Variants in PPARGC1B observed in about 807,000 individuals in gnomAD.
The protein encoded by PPARGC1B is peroxisome proliferator-activated receptor gamma coactivator 1-beta.
In PPARGC1B, 34 loss-of-function variants were observed where a neutral mutation model predicts 101.6. The observed-to-expected ratio is 0.33, with a 90% CI of 0.25 to 0.45. The LOEUF is 0.45. Ranked by LOEUF, PPARGC1B falls within the 20% of genes least tolerant of loss-of-function variation. The pLI, the probability that PPARGC1B is intolerant of heterozygous loss-of-function variation, is 1.00. For synonymous variants in PPARGC1B, 548 were observed against 539.3 expected, an observed-to-expected ratio of 1.02 and a Z score of -0.22; for missense variants, 1,234 against 1,317.6, an observed-to-expected ratio of 0.94 and a Z score of 0.98.
chr5:149,777,599 A>T (rs1046955996), intron 1 of PPARGC1B, among the ~76,000 whole-genome samples: 1 of 152,090 alleles, frequency 6.6e-6, no homozygotes, highest in Non-Finnish European at 1.5e-5. Context: ...TGGGTCCCAG[A>T]GGCCTCTTCA....
intron 1 of PPARGC1B, among the ~76,000 whole-genome samples, chr5:149,759,733 G>A (rs1290174806): frequency 6.6e-6 from 1 of 152,224 alleles, no homozygotes. Context: ...CACCAGGCAT[G>A]CTGCCAGCAG....
At chr5:149,835,508 C>A (rs867796459) in intron 7 of PPARGC1B, 143 bp downstream of exon 7, 1 of 681,290 alleles carries the variant, frequency 1.5e-6, no homozygotes. Context: ...TATAGGCAGT[C>A]AAAAAGCAAA....
rs373775774 is a variant in PPARGC1B at position 149,747,617 on chromosome 5, C to G, written c.78+17197C>G. Among the ~76,000 whole-genome samples the G allele has an allele frequency of 1.8e-4, 27 of 152,344 alleles. No homozygotes were observed. In the East Asian group the frequency reaches 2.5e-3, roughly 14 times the overall value. On this transcript the variant is annotated intron_variant, in intron 1 of 11. Coordinates refer to ENST00000309241, the MANE Select transcript of PPARGC1B (RefSeq NM_133263.4). Reference sequence around the variant, plus strand: ...TCCTTGGGGTTGGGCAACAGCTCCTCCCTGCCCTGTGGGTGTGGACACCAG... The same window carrying G: ...TCCTTGGGGTTGGGCAACAGCTCCTGCCTGCCCTGTGGGTGTGGACACCAG...
intron 1 of PPARGC1B, among the ~76,000 whole-genome samples, chr5:149,735,433 T>G (rs1754667137): frequency 6.6e-6 from 1 of 152,228 alleles, no homozygotes; most frequent in Non-Finnish European, 1.5e-5. Flanking sequence ...TGAGAAGCAG[T>G]CTTGCAAAGG....
chr5:149,845,401 G>A (rs1298111568), intron 10 of PPARGC1B, among the ~76,000 whole-genome samples: 1 of 152,172 alleles, frequency 6.6e-6, no homozygotes, highest in East Asian at 1.9e-4. Flanking sequence ...AATGTCAGAG[G>A]CCTGGGTTTG....
Position 149,833,652 on chromosome 5 carries a change from G to T in PPARGC1B, c.1579G>T (p.Asp527Tyr). 1 of 1,610,078 alleles carries T rather than the reference G, an allele frequency of 6.2e-7. No individual in the cohort carries two copies. The highest frequency in any genetic ancestry group is 8.5e-7 in the Non-Finnish European group (1 of 1,178,460). The change falls in exon 5 of 12, where the codon GAC becomes TAC. Residue 527 changes from aspartate to tyrosine, a missense_variant. Asp to Tyr is a radical substitution (Grantham distance 160). Transcript: ENST00000309241. The surrounding 1 kb of genome is among the most constrained non-coding windows in gnomAD (Gnocchi z 4.1). ...AGAGCGGGAGCTGGGCAGCCCCACG[G>T]ACGAGGACAGTGGCCAAGACCAGCA... ...DVERELGSPT[D>Y]EDSGQDQQLL...
At chr5:149,748,230 G>A (rs1368596427) in intron 1 of PPARGC1B, among the ~76,000 whole-genome samples, 3 of 152,012 alleles carry the variant, frequency 2.0e-5, no homozygotes, top group East Asian at 3.9e-4. Context: ...GCTGACTTAG[G>A]GCATGGTACT....
At chr5:149,743,702 G>A (rs1754989572) in intron 1 of PPARGC1B, among the ~76,000 whole-genome samples, 1 of 152,220 alleles carries the variant, frequency 6.6e-6, no homozygotes, top group Non-Finnish European at 1.5e-5. Context: ...TGAGGTGAGT[G>A]TGGCAGCATT....
chr5:149,845,168 AT>A (rs953761012), intron 10 of PPARGC1B, among the ~76,000 whole-genome samples: 2 of 152,224 alleles, frequency 1.3e-5, no homozygotes, highest in African/African-American at 4.8e-5. Flanking sequence ...ACAGGCAGGC[AT>A]CATAGATGTC....
downstream of PPARGC1B, among the ~76,000 whole-genome samples, chr5:149,856,049 G>A (rs769318559): frequency 2.6e-5 from 4 of 152,096 alleles, no homozygotes; most frequent in Non-Finnish European, 4.4e-5. Context: ...CCCGGGAGGC[G>A]GAGGTTGCAG....
rs370339667 is a variant in PPARGC1B, at chr5:149,737,156, C to T, written c.78+6736C>T. Among the ~76,000 whole-genome samples, 16 of 152,294 alleles carry T rather than the reference C, an allele frequency of 1.1e-4. No homozygotes were observed. In the East Asian group the frequency reaches 1.9e-3, roughly 18 times the overall value. ...CCAGAATGTCATATAGTTGGAATCACGCAGTATGTAGTGTTTTCAGATTGG... is the reference window on the plus strand; with the variant it reads ...CCAGAATGTCATATAGTTGGAATCATGCAGTATGTAGTGTTTTCAGATTGG... On this transcript the variant is annotated intron_variant, in intron 1 of 11. Transcript: ENST00000309241.
At chr5:149,808,160 A>AT (rs1371289513) in intron 1 of PPARGC1B, among the ~76,000 whole-genome samples, 1 of 152,178 alleles carries the variant, frequency 6.6e-6, no homozygotes, top group Non-Finnish European at 1.5e-5. Flanking sequence ...GAATTTTGGT[A>AT]TTTTGTTAAT....
At position 149,833,733 on chromosome 5, in the gene PPARGC1B, G is replaced by A; in HGVS notation, c.1660G>A (p.Gly554Arg). 1 of 1,586,006 alleles carries A rather than the reference G, an allele frequency of 6.3e-7. No homozygotes were observed. The highest frequency in any genetic ancestry group is 1.1e-5 in the South Asian group (1 of 87,120). ...GGAGAGCCCCTGTGAGAGTGGGTGT[G>A]GGGACATGGATGAGGACCCCAGCTG... Reference protein sequence around the residue: ...ALESPCESGCGDMDEDPSCPQ... With the variant: ...ALESPCESGCRDMDEDPSCPQ... Residue 554 changes from glycine (G) to arginine (R), a missense_variant, in exon 5 of 12, where the codon GGG becomes AGG. Physicochemically the swap from Gly to Arg is moderately radical, Grantham distance 125. Coordinates refer to ENST00000309241, the MANE Select transcript of PPARGC1B (RefSeq NM_133263.4). The surrounding 1 kb of genome is among the most constrained non-coding windows in gnomAD (Gnocchi z 4.1).
At position 149,830,762 on chromosome 5, in the gene PPARGC1B, C is replaced by T. The variant is rs372330252; in HGVS notation, c.466-5C>T. On this transcript the variant is annotated splice_polypyrimidine_tract_variant and splice_region_variant and intron_variant, in intron 3 of 11. Coordinates refer to ENST00000309241, the MANE Select transcript of PPARGC1B (RefSeq NM_133263.4). ...CGGCTCCTGTCCTCTCTGCTTTTCC[C>T]TCAGCTGCAGAAGCTCCTCCTGGCC... 10 of 1,610,216 alleles carry T rather than the reference C, an allele frequency of 6.2e-6. No individual in the cohort carries two copies. In the South Asian group the frequency reaches 1.1e-4, roughly 18 times the overall value.
chr5:149,826,097 C>T (rs1758507198), intron 2 of PPARGC1B, among the ~76,000 whole-genome samples: 2 of 152,158 alleles, frequency 1.3e-5, no homozygotes, highest in Admixed American at 1.3e-4. Flanking sequence ...GGTACAGCCC[C>T]AGCTCCAGAG....
At chr5:149,827,393 A>G (rs2113379175) in intron 3 of PPARGC1B, among the ~76,000 whole-genome samples, 1 of 152,324 alleles carries the variant, frequency 6.6e-6, no homozygotes, top group Admixed American at 6.5e-5. Context: ...TTTCACGGTT[A>G]ACTGTGTGTC....
chr5:149,772,060 G>C, intron 1 of PPARGC1B: 1 of 1,555,014 alleles, frequency 6.4e-7, no homozygotes, highest in Non-Finnish European at 8.7e-7. Flanking sequence ...CTGTGCACAG[G>C]TGGGGACCTC....
At chr5:149,736,046 C>T (rs1310227715) in intron 1 of PPARGC1B, among the ~76,000 whole-genome samples, 1 of 152,130 alleles carries the variant, frequency 6.6e-6, no homozygotes, top group African/African-American at 2.4e-5. Context: ...ATTGCTTGAA[C>T]CCGGAGAATT....
chr5:149,840,074 G>T lies in PPARGC1B; in HGVS notation c.2652G>T (p.Thr884=). 1 of 1,614,026 alleles carries T rather than the reference G, an allele frequency of 6.2e-7. No homozygotes were observed. The highest frequency in any genetic ancestry group is 8.5e-7 in the Non-Finnish European group (1 of 1,179,968). The part of the protein sequence containing the change: ...CESRGPCSDR[T]PSIRHARKRR... ...GCAGAGGGCCGTGTTCAGACAGAAC[G>T]CCAAGCATCCGGCACGCCAGGAAGC... is the stretch of plus-strand genomic sequence containing the variant. Residue 884 remains threonine, a synonymous_variant, in exon 9 of 12, where the codon ACG becomes ACT. Transcript: ENST00000309241.
Sources: gnomAD v4.1 joint callset for allele counts (sites outside exome capture counted in the v4.1 genomes callset) on GRCh38, gnomAD v4.1.1 for gene constraint, Gnocchi (gnomAD v3.1) non-coding constraint, MANE v1.5 for transcripts, NCBI Gene and HGNC (gene_info 2026-07-23, HGNC 2026-07-21) for gene names.